RANBP2: variants seen among roughly 807,000 people sequenced by gnomAD.
The protein encoded by RANBP2 is E3 SUMO-protein ligase RanBP2.
A neutral mutation model predicts 303.6 loss-of-function variants in RANBP2; 57 were observed. The ratio of observed to expected loss-of-function variants is 0.19; its 90% CI spans 0.15 to 0.23. The LOEUF (loss-of-function observed/expected upper bound fraction) is 0.23, where lower values mean the gene tolerates loss of function less well. Among genes scored for constraint, RANBP2 ranks in the 10% least tolerant of loss-of-function variants. The probability of loss-of-function intolerance (pLI) is 1.00; values close to 1 mark genes in which losing one functional copy is unlikely to be tolerated. For missense variants in RANBP2, 3,138 were observed against 3,780.8 expected, an observed-to-expected ratio of 0.83 and a Z score of 4.46; for synonymous variants, 1,167 against 1,301.5, an observed-to-expected ratio of 0.90 and a Z score of 2.23.
chr2:109,545,286 G>A, the RANBP2 span: 2 of 1,424,192 alleles, frequency 1.4e-6, no homozygotes, highest in South Asian at 1.5e-5. Flanking sequence ...TACTTAAGTG[G>A]GAGAAATAAA....
chr2:108,786,685 C>T, downstream of RANBP2: 1 of 789,292 alleles, frequency 1.3e-6, no homozygotes, highest in South Asian at 1.6e-5. Flanking sequence ...CTCCGGGTCG[C>T]CCCGCCCCGC....
chr2:109,466,401 T>C, the RANBP2 span, among the ~76,000 whole-genome samples: 16 of 152,216 alleles, frequency 1.1e-4, no homozygotes, highest in Non-Finnish European at 2.4e-4. Flanking sequence ...TTTAATGAGA[T>C]GTCTGTTTAG....
At chr2:109,573,863 C>T in the RANBP2 span, among the ~76,000 whole-genome samples, 1 of 152,140 alleles carries the variant, frequency 6.6e-6, no homozygotes, top group African/African-American at 2.4e-5. Context: ...AATAGGTTTT[C>T]TCAGTATGGT....
Position 108,744,899 on chromosome 2 carries a change from A to G in RANBP2, c.976-1812A>G, listed in dbSNP as rs186686952. The stretch of plus-strand genomic sequence containing the variant: ...GTTTTATGCATCTCCAAGTAAACAC[A>G]TATATATCTCCTGTCTTTAAAAGAA... On this transcript the variant is annotated intron_variant, in intron 7 of 28. Transcript: ENST00000283195. 2.1e-3 allele frequency among the ~76,000 whole-genome samples: 327 copies of G among 152,362 alleles called. 1 individual carries two copies. The highest frequency in any genetic ancestry group is 3.8e-3 in the Non-Finnish European group (259 of 68,042).
At chr2:109,666,862 T>C in the RANBP2 span, among the ~76,000 whole-genome samples, 1 of 152,200 alleles carries the variant, frequency 6.6e-6, no homozygotes, top group African/African-American at 2.4e-5. Context: ...TGAGACCTCA[T>C]AGTTTTATAC....
chr2:109,127,608 G>A, the RANBP2 span: 4 of 152,372 alleles, frequency 2.6e-5, no homozygotes, highest in East Asian at 7.7e-4. Flanking sequence ...ACTTTGTGAA[G>A]ATGAGGTTGG....
the RANBP2 span, among the ~76,000 whole-genome samples, chr2:109,701,561 C>T: frequency 6.6e-6 from 1 of 152,106 alleles, no homozygotes; most frequent in Non-Finnish European, 1.5e-5. Flanking sequence ...GCAATTTAGT[C>T]TGGCTCAGTG....
At chr2:109,567,137 G>A in the RANBP2 span, among the ~76,000 whole-genome samples, 1 of 152,094 alleles carries the variant, frequency 6.6e-6, no homozygotes, top group African/African-American at 2.4e-5. Flanking sequence ...GCTTAACAAA[G>A]GTGACATCAT....
the RANBP2 span, among the ~76,000 whole-genome samples, chr2:109,205,403 T>TTTTTTG: frequency 6.6e-6 from 1 of 152,050 alleles, no homozygotes; most frequent in African/African-American, 2.4e-5. Flanking sequence ...GCCTAGATAA[T>TTTTTTG]TTTTTGTTTT....
the RANBP2 span, among the ~76,000 whole-genome samples, chr2:108,904,624 C>T: frequency 1.3e-5 from 2 of 152,336 alleles, no homozygotes; most frequent in East Asian, 3.9e-4. Flanking sequence ...CAGACTACTA[C>T]TCAGCAAGAG....
chr2:109,346,094 C>T, the RANBP2 span, among the ~76,000 whole-genome samples: 1,256 of 152,326 alleles, frequency 8.2e-3, 9 homozygotes, highest in African/African-American at 0.018. Flanking sequence ...TTACCCCTTG[C>T]CTCCGCTCTC....
the RANBP2 span, among the ~76,000 whole-genome samples, chr2:109,005,813 C>G: frequency 6.6e-6 from 1 of 152,204 alleles, no homozygotes; most frequent in Admixed American, 6.5e-5. Flanking sequence ...CTGTATTTTC[C>G]TGGAAATCAG....
chr2:108,790,126 T>G (rs1232417250), downstream of RANBP2, among the ~76,000 whole-genome samples: 1 of 152,148 alleles, frequency 6.6e-6, no homozygotes, highest in Non-Finnish European at 1.5e-5. Context: ...GGGTAAATAA[T>G]AAGTACTCAA....
At chr2:108,929,842 G>C in the RANBP2 span, among the ~76,000 whole-genome samples, 1 of 152,198 alleles carries the variant, frequency 6.6e-6, no homozygotes, top group Admixed American at 6.5e-5. Context: ...CCAATCAGAT[G>C]ATCTGACGCT....
the RANBP2 span, among the ~76,000 whole-genome samples, chr2:109,259,795 T>A: frequency 1.3e-5 from 2 of 152,232 alleles, no homozygotes; most frequent in African/African-American, 4.8e-5. Context: ...ACAAGTTTCC[T>A]TGACATCTCT....
the RANBP2 span, among the ~76,000 whole-genome samples, chr2:109,342,469 C>T: frequency 6.6e-6 from 1 of 152,176 alleles, no homozygotes; most frequent in Non-Finnish European, 1.5e-5. Context: ...GTGAAGGGGG[C>T]CCTCCATTGA....
At chr2:109,078,268 G>GTATATATATATA in the RANBP2 span, among the ~76,000 whole-genome samples, 6 of 46,252 alleles carry the variant, frequency 1.3e-4, no homozygotes, top group African/African-American at 5.3e-4. Context: ...TATATAGCGC[G>GTATATATATATA]TATATATATA....
At chr2:109,697,012 A>G in the RANBP2 span, among the ~76,000 whole-genome samples, 1 of 152,192 alleles carries the variant, frequency 6.6e-6, no homozygotes, top group Non-Finnish European at 1.5e-5. Flanking sequence ...TCCTGGACTC[A>G]AGCAATCCTC....
the RANBP2 span, among the ~76,000 whole-genome samples, chr2:109,394,926 C>G: frequency 1.3e-5 from 2 of 152,262 alleles, no homozygotes; most frequent in East Asian, 3.9e-4. Context: ...GAGCCGCCGT[C>G]CCGCACAGGC....
Sources: allele counts gnomAD v4.1 joint callset (sites outside exome capture counted in the v4.1 genomes callset), GRCh38; gene constraint gnomAD v4.1.1; transcripts MANE v1.5; gene names NCBI Gene and HGNC (gene_info 2026-07-23, HGNC 2026-07-21).